Variants in CLCN4 observed in about 807,000 individuals in gnomAD.
CLCN4 encodes the protein Cl-/H+ antiporter 4, also known as H(+)/Cl(-) exchange transporter 4.
Under a neutral mutation model 41.7 loss-of-function variants are expected in CLCN4, and 1 was observed. That is an observed-to-expected ratio of 0.02 (90% CI 0.01 to 0.11). CLCN4 has a LOEUF of 0.11. CLCN4 is among the 10% of genes least tolerant of loss of function. The probability of loss-of-function intolerance (pLI) is 1.00; values close to 1 mark genes in which losing one functional copy is unlikely to be tolerated. For synonymous variants in CLCN4, 277 were observed against 285.8 expected, an observed-to-expected ratio of 0.97 and a Z score of 0.31; for missense variants, 287 against 661.0, an observed-to-expected ratio of 0.43 and a Z score of 6.20.
In CLCN4 at chrX:10,169,779, TTCTTTTCTTTTC is replaced by T. The variant is rs1175208827; in HGVS notation, c.-12+11230_-12+11241del. ...CTTTCTTGATTCTTTTTTTTTCTTT[TTCTTTTCTTTTC>T]TTTTTTTTTTTTTTTGAGATAGAGT... On this transcript the variant is annotated intron_variant, in intron 2 of 12. Coordinates refer to ENST00000380833, the MANE Select transcript of CLCN4 (RefSeq NM_001830.4). 1.5e-3 allele frequency among the ~76,000 whole-genome samples: 124 copies of T among 85,361 alleles called. 3 individuals carry two copies. The highest frequency in any genetic ancestry group is 1.8e-3 in the Non-Finnish European group (82 of 46,648). The allele number at this position is 85,361 out of a possible 115,157, so 74.1% of individuals were successfully genotyped here.
intron 4 of CLCN4, among the ~76,000 whole-genome samples, chrX:10,190,305 A>G (rs1356160097): frequency 8.9e-6 from 1 of 112,185 alleles, no homozygotes; most frequent in Non-Finnish European, 1.9e-5. Context: ...CATTAAAATA[A>G]CGGCATGATC....
intron 2 of CLCN4, among the ~76,000 whole-genome samples, chrX:10,184,386 G>A (rs1923758461): frequency 1.8e-5 from 2 of 108,600 alleles, no homozygotes; most frequent in South Asian, 7.9e-4. Context: ...TGTGTAGAGC[G>A]ACAAAAAGTG....
intron 2 of CLCN4, among the ~76,000 whole-genome samples, chrX:10,165,688 G>A (rs1169385737): frequency 1.8e-5 from 2 of 112,003 alleles, no homozygotes; most frequent in Admixed American, 9.4e-5. Flanking sequence ...GGGTTGATTT[G>A]GCTAAATATG....
At chrX:10,198,085 G>T (rs1468331635) in intron 6 of CLCN4, 24 bp downstream of exon 6, 1 of 1,201,853 alleles carries the variant, frequency 8.3e-7, no homozygotes, top group East Asian at 3.0e-5. Flanking sequence ...GATTTTTTTG[G>T]TACCAATAAT....
At chrX:10,205,284 T>C (rs1186737697) in intron 6 of CLCN4, among the ~76,000 whole-genome samples, 1 of 110,189 alleles carries the variant, frequency 9.1e-6, no homozygotes, top group Non-Finnish European at 1.9e-5. Flanking sequence ...CCATCCTGGC[T>C]AACAGGGTGA....
Position 10,171,609 on chromosome X carries a change from A to G in CLCN4, c.-12+13058A>G, listed in dbSNP as rs146054649. On this transcript the variant is annotated intron_variant, in intron 2 of 12. Transcript: ENST00000380833. ...GTGCTCGCTGTGTCATGGGCCCCCA[A>G]GATCACCTCTGGGTCTGGTGATTTC... is the stretch of plus-strand genomic sequence containing the variant. Among the ~76,000 whole-genome samples the G allele has an allele frequency of 1.8e-4, 20 of 112,149 alleles. No homozygotes were observed. In the East Asian group the frequency reaches 5.3e-3, roughly 30 times the overall value.
At chrX:10,211,382 T>C (rs991481951) in intron 9 of CLCN4, among the ~76,000 whole-genome samples, 2 of 111,077 alleles carry the variant, frequency 1.8e-5, no homozygotes, top group African/African-American at 6.6e-5. Context: ...GAGTAGGCCT[T>C]ATTAAACAGC....
chrX:10,228,728 T>C (rs1925050247), intron 12 of CLCN4, among the ~76,000 whole-genome samples: 1 of 111,610 alleles, frequency 9.0e-6, no homozygotes, highest in Non-Finnish European at 1.9e-5. Flanking sequence ...AATGAACTGA[T>C]TTGTTATGAA....
chrX:10,182,988 C>T (rs765555062), intron 2 of CLCN4, among the ~76,000 whole-genome samples: 1 of 112,346 alleles, frequency 8.9e-6, no homozygotes, highest in African/African-American at 3.2e-5. Context: ...GTCCAAGTCT[C>T]TGCGATTCTA....
chrX:10,213,257 C>T lies in CLCN4; in HGVS notation c.1577-424C>T, dbSNP rs993935318. On this transcript the variant is annotated intron_variant, in intron 10 of 12. Coordinates refer to ENST00000380833, the MANE Select transcript of CLCN4 (RefSeq NM_001830.4). ...AATCTTGGTTTAGCAGAAGGCGCTT[C>T]TCCACCTAATCATTCAGGGGCACAA... Among the ~76,000 whole-genome samples the T allele has an allele frequency of 8.0e-5, 9 of 112,258 alleles. No homozygotes were observed. In the East Asian group the frequency reaches 1.1e-3, roughly 14 times the overall value.
chrX:10,219,555 T>C (rs761841105), intron 11 of CLCN4, among the ~76,000 whole-genome samples: 2 of 112,764 alleles, frequency 1.8e-5, no homozygotes, highest in South Asian at 7.2e-4. Context: ...GCAGGCCCTC[T>C]GTTCCTCTTT....
rs1441166022 is a variant in CLCN4 at position 10,158,365 on chromosome X, C to T, written c.-198C>T. ...AGGGTTTCTGGCCATCGACCCTCAC[C>T]TCCCGGGACTTCCAGGGTCTTCCCC... is the stretch of plus-strand genomic sequence containing the variant. On this transcript the variant is annotated 5_prime_UTR_variant, in exon 2 of 13. Transcript: ENST00000380833. The T allele has an allele frequency of 1.4e-5, 4 of 294,599 alleles. No individual in the cohort carries two copies. The highest frequency in any genetic ancestry group is 2.4e-5 in the Non-Finnish European group (4 of 168,509). The allele number at this position is 294,599 out of a possible 1,213,427, so 24.3% of individuals were successfully genotyped here.
intron 12 of CLCN4, among the ~76,000 whole-genome samples, chrX:10,227,462 C>T (rs183855859): frequency 2.7e-5 from 3 of 111,823 alleles, no homozygotes; most frequent in African/African-American, 9.8e-5. Flanking sequence ...GTGGGCAAAA[C>T]CTGGAAGCAT....
intron 2 of CLCN4, among the ~76,000 whole-genome samples, chrX:10,172,957 G>A (rs1471978779): frequency 8.9e-6 from 1 of 111,809 alleles, no homozygotes; most frequent in African/African-American, 3.3e-5. Context: ...TCGAGGAGCA[G>A]GAGACCCTGG....
At chrX:10,221,641 C>A (rs1357293009) in intron 12 of CLCN4, among the ~76,000 whole-genome samples, 1 of 112,290 alleles carries the variant, frequency 8.9e-6, no homozygotes, top group Non-Finnish European at 1.9e-5. Context: ...CAGAATGAGA[C>A]CCTGTCTTGT....
chrX:10,187,692 T>C (rs1480251834), intron 4 of CLCN4, 78 bp downstream of exon 4: 2 of 788,647 alleles, frequency 2.5e-6, no homozygotes, highest in Admixed American at 2.3e-5. Flanking sequence ...TCTGGGAGAT[T>C]TGGAATATAG....
intron 12 of CLCN4, among the ~76,000 whole-genome samples, chrX:10,228,822 A>G (rs1357498796): frequency 9.0e-6 from 1 of 111,673 alleles, no homozygotes; most frequent in Non-Finnish European, 1.9e-5. Context: ...CTATAAACCA[A>G]CCGGTGTAGA....
chrX:10,187,463 G>A (rs776088449), intron 3 of CLCN4, 52 bp from the exon 4 acceptor site: 123 of 919,741 alleles, frequency 1.3e-4, no homozygotes, highest in Non-Finnish European at 1.8e-4. Flanking sequence ...AAGGAAAAAA[G>A]CATGAATTCG....
At chrX:10,177,949 A>G (rs765058900) in intron 2 of CLCN4, among the ~76,000 whole-genome samples, 2 of 112,194 alleles carry the variant, frequency 1.8e-5, no homozygotes, top group East Asian at 5.6e-4. Flanking sequence ...GCAATAAATA[A>G]AAAGGGGTGA....
Sources: allele counts gnomAD v4.1 joint callset (sites outside exome capture counted in the v4.1 genomes callset), GRCh38; gene constraint gnomAD v4.1.1; transcripts MANE v1.5; gene names NCBI Gene and HGNC (gene_info 2026-07-23, HGNC 2026-07-21).